Variants in PPP2R2B observed in about 807,000 individuals in gnomAD.
PPP2R2B encodes protein phosphatase 2 regulatory subunit Bbeta.
Under a neutral mutation model 46.0 loss-of-function variants are expected in PPP2R2B, and 5 were observed. That is an observed-to-expected ratio of 0.11 (90% CI 0.06 to 0.23). The LOEUF (loss-of-function observed/expected upper bound fraction) is 0.23. Ranked by LOEUF, PPP2R2B falls within the 10% of genes least tolerant of loss-of-function variation. The pLI, the probability that PPP2R2B is intolerant of heterozygous loss-of-function variation, is 1.00. For synonymous variants in PPP2R2B, 215 were observed against 206.7 expected (o/e 1.04, Z -0.34); for missense variants, 367 against 575.0 (o/e 0.64, Z 3.70).
At chr5:146,982,882 C>A (rs191701059) in intron 1 of PPP2R2B, among the ~76,000 whole-genome samples, 7 of 152,046 alleles carry the variant, frequency 4.6e-5, no homozygotes, top group Admixed American at 4.6e-4. Flanking sequence ...GTTTGTATAT[C>A]TTTTTCCATC....
chr5:147,052,131 C>T (rs190639946), intron 1 of PPP2R2B, among the ~76,000 whole-genome samples: 51 of 151,778 alleles, frequency 3.4e-4, no homozygotes, highest in Non-Finnish European at 5.9e-4. Context: ...CTGTTTGTAT[C>T]TTCTTATTTC....
At chr5:146,691,563 T>C (rs1342797080) in intron 4 of PPP2R2B, among the ~76,000 whole-genome samples, 1 of 152,190 alleles carries the variant, frequency 6.6e-6, no homozygotes, top group African/African-American at 2.4e-5. Flanking sequence ...TACACAGAGC[T>C]TACAATGTAA....
In PPP2R2B at chr5:146,896,688, C is replaced by CT. The variant is rs142450432; in HGVS notation, c.79+158976dup. 2.0e-3 allele frequency among the ~76,000 whole-genome samples: 296 copies of CT among 147,750 alleles called. 3 individuals are homozygous for CT. Among genetic ancestry groups the CT allele is most frequent in the African/African-American group, 5.5e-3 (220 of 40,326 alleles). The stretch of plus-strand genomic sequence containing the variant: ...ATTTTTTAAGCCCATTTCTTTCTTC[C>CT]TTTTTTTTTTCGGTGATTCACTTTC... On this transcript the variant is annotated intron_variant, in intron 1 of 8. Coordinates refer to the PPP2R2B transcript ENST00000336640.
At chr5:146,934,482 T>C (rs1764073871) in intron 1 of PPP2R2B, among the ~76,000 whole-genome samples, 1 of 151,258 alleles carries the variant, frequency 6.6e-6, no homozygotes, top group Non-Finnish European at 1.5e-5. Context: ...AATGTCTTCT[T>C]TTGAGAAGTG....
chr5:146,857,056 G>A (rs1327275162), intron 2 of PPP2R2B, among the ~76,000 whole-genome samples: 1 of 152,190 alleles, frequency 6.6e-6, no homozygotes. Flanking sequence ...GATCAGGAGA[G>A]CTGGCTTCAT....
rs1215407233 is a variant in PPP2R2B, at chr5:146,586,304, C to T, written c.*3643G>A. 6.6e-6 allele frequency: 1 copy of T among 152,194 alleles called. No individual in the cohort carries two copies. Among genetic ancestry groups the T allele is most frequent in the Non-Finnish European group, 1.5e-5 (1 of 68,040 alleles). The allele number at this position is 152,194 out of a possible 1,614,324, so 9.4% of individuals were successfully genotyped here. A position where few individuals can be genotyped will look rare whatever the true frequency, so the allele number is the denominator to read the frequency against. On this transcript the variant is annotated 3_prime_UTR_variant, in exon 10 of 10. Transcript: ENST00000394411. ...GAGGGAAAATTAGTAAGGGTTCCAC[C>T]ATTCAGGCTGTGGACTATAGTGTCA...
At chr5:146,789,538 A>T (rs1049733218) in intron 2 of PPP2R2B, among the ~76,000 whole-genome samples, 6 of 152,112 alleles carry the variant, frequency 3.9e-5, no homozygotes, top group Non-Finnish European at 7.3e-5. Flanking sequence ...TACTTGGAAA[A>T]CACTGTTGAT....
At chr5:146,834,438 A>G (rs1027989320) in intron 2 of PPP2R2B, among the ~76,000 whole-genome samples, 1 of 152,216 alleles carries the variant, frequency 6.6e-6, no homozygotes, top group Non-Finnish European at 1.5e-5. Flanking sequence ...GTTGAATTAT[A>G]TCAAATGACT....
chr5:147,055,924 G>C, exon 1 of PPP2R2B: 1 of 1,427,434 alleles, frequency 7.0e-7, no homozygotes, highest in Non-Finnish European at 9.1e-7. Flanking sequence ...TCAGCGCCAG[G>C]AAGCACTGCC....
intron 1 of PPP2R2B, among the ~76,000 whole-genome samples, chr5:147,020,093 A>G (rs1300327017): frequency 6.6e-6 from 1 of 152,108 alleles, no homozygotes; most frequent in Non-Finnish European, 1.5e-5. Context: ...CCCTCTCCTT[A>G]TAAAGATGTT....
At chr5:146,773,443 T>C (rs1382460245) in intron 2 of PPP2R2B, among the ~76,000 whole-genome samples, 1 of 152,244 alleles carries the variant, frequency 6.6e-6, no homozygotes, top group Non-Finnish European at 1.5e-5. Context: ...TAGATTTGAA[T>C]TAAAGCAGTG....
chr5:146,740,587 A>T (rs1752812850), intron 2 of PPP2R2B, among the ~76,000 whole-genome samples: 1 of 140,014 alleles, frequency 7.1e-6, no homozygotes, highest in South Asian at 2.2e-4. Flanking sequence ...ACACACACAC[A>T]CACACACACA....
intron 2 of PPP2R2B, among the ~76,000 whole-genome samples, chr5:146,835,514 G>A (rs528280465): frequency 3.1e-4 from 47 of 152,162 alleles, no homozygotes; most frequent in African/African-American, 1.1e-3. Context: ...AACTTGGGGC[G>A]GAAAGATCAC....
intron 1 of PPP2R2B, among the ~76,000 whole-genome samples, chr5:147,038,963 T>G (rs1388101695): frequency 6.6e-6 from 1 of 152,190 alleles, no homozygotes; most frequent in African/African-American, 2.4e-5. Context: ...TTATTGATTT[T>G]TTTTAAACAC....
At chr5:146,655,850 A>G (rs1776291531) in intron 5 of PPP2R2B, among the ~76,000 whole-genome samples, 1 of 144,950 alleles carries the variant, frequency 6.9e-6, no homozygotes, top group South Asian at 2.3e-4. Flanking sequence ...AAAGGAGAAG[A>G]CTACCAAGCT....
chr5:146,775,814 G>T (rs1243768599), intron 2 of PPP2R2B, among the ~76,000 whole-genome samples: 1 of 152,026 alleles, frequency 6.6e-6, no homozygotes, highest in Non-Finnish European at 1.5e-5. Context: ...AACAAAAGAA[G>T]TTGTATTTTT....
chr5:147,043,378 G>A (rs942005840), intron 1 of PPP2R2B, among the ~76,000 whole-genome samples: 5 of 152,054 alleles, frequency 3.3e-5, no homozygotes, highest in African/African-American at 4.8e-5. Context: ...AGGACTGGTG[G>A]TGTTTTTGCA....
intron 2 of PPP2R2B, among the ~76,000 whole-genome samples, chr5:146,712,108 A>C (rs1337407203): frequency 6.6e-6 from 1 of 152,252 alleles, no homozygotes; most frequent in East Asian, 1.9e-4. Context: ...GATGTCAAAC[A>C]AAATAAATAT....
upstream of PPP2R2B, among the ~76,000 whole-genome samples, chr5:146,879,611 C>T (rs1762097059): frequency 6.6e-6 from 1 of 152,058 alleles, no homozygotes; most frequent in Admixed American, 6.5e-5. Flanking sequence ...CCAATTAATA[C>T]AGAAAAGAGA....
Sources: allele counts gnomAD v4.1 joint callset (sites outside exome capture counted in the v4.1 genomes callset), GRCh38; gene constraint gnomAD v4.1.1; transcripts MANE v1.5; gene names NCBI Gene and HGNC (gene_info 2026-07-23, HGNC 2026-07-21).